KCNQ1: variants seen among roughly 807,000 people sequenced by gnomAD.
The protein encoded by KCNQ1 is potassium voltage-gated channel subfamily Q member 1.
Under a neutral mutation model 72.4 loss-of-function variants are expected in KCNQ1, and 49 were observed. The ratio of observed to expected loss-of-function variants is 0.68; its 90% CI spans 0.54 to 0.86. The LOEUF (loss-of-function observed/expected upper bound fraction) is 0.86. Among genes scored for constraint, KCNQ1 ranks in the 40% least tolerant of loss-of-function variants. The pLI, the probability that KCNQ1 is intolerant of heterozygous loss-of-function variation, is 0.00. For missense variants in KCNQ1, 790 were observed against 945.1 expected, an observed-to-expected ratio of 0.84 and a Z score of 2.15; for synonymous variants, 450 against 412.6, an observed-to-expected ratio of 1.09 and a Z score of -1.10.
rs1047752391 is a variant in KCNQ1, at chr11:2,583,470, G to T, written c.957G>T (p.Val319=). 6.2e-7 allele frequency: 1 copy of T among 1,613,902 alleles called. No homozygotes were observed. Among genetic ancestry groups the T allele is most frequent in the Non-Finnish European group, 8.5e-7 (1 of 1,179,844 alleles). Residue 319 remains valine (V), a synonymous_variant, in exon 7 of 16, where the codon GTG becomes GTT. Transcript: ENST00000155840. ...TVTTIGYGDK[V]PQTWVGKTIA... ...CCACCATCGGCTATGGGGACAAGGT[G>T]CCCCAGACGTGGGTCGGGAAGACCA... is the stretch of plus-strand genomic sequence containing the variant.
At chr11:2,571,433 A>C (rs1172204583) in intron 4 of KCNQ1, 30 bp downstream of exon 4, 2 of 1,588,578 alleles carry the variant, frequency 1.3e-6, no homozygotes, top group Admixed American at 1.7e-5. Flanking sequence ...TCCCCCCGCC[A>C]TGCCGCCCCA....
chr11:2,516,464 A>G lies in KCNQ1; in HGVS notation c.387-11464A>G, dbSNP rs375558052. Among the ~76,000 whole-genome samples the G allele has an allele frequency of 2.6e-5, 4 of 152,068 alleles. No homozygotes were observed. The highest frequency in any genetic ancestry group is 1.9e-4 in the East Asian group (1 of 5,148). On this transcript the variant is annotated intron_variant, in intron 1 of 15. Coordinates refer to ENST00000155840, the MANE Select transcript of KCNQ1 (RefSeq NM_000218.3). This position sits in a 1 kb window ranked among gnomAD's most constrained non-coding sequence, Gnocchi z 7.0. ...GCACACGTTCCTGTTTGAATTCTCAATCTCCGGGCTCAAAATTGGCCCCCA... is the reference window on the plus strand; with the variant it reads ...GCACACGTTCCTGTTTGAATTCTCAGTCTCCGGGCTCAAAATTGGCCCCCA...
chr11:2,553,823 C>A (rs746604814), intron 2 of KCNQ1, among the ~76,000 whole-genome samples: 11 of 152,076 alleles, frequency 7.2e-5, no homozygotes, highest in Admixed American at 1.3e-4. Flanking sequence ...TCAAGTGATT[C>A]TCCTGCCTCA....
chr11:2,810,051 G>A (rs180876165), intron 15 of KCNQ1, among the ~76,000 whole-genome samples: 10 of 152,314 alleles, frequency 6.6e-5, no homozygotes, highest in Non-Finnish European at 1.5e-5. Flanking sequence ...GTTTAAGTGG[G>A]TATAGAATTT....
rs1056053180 is a variant in KCNQ1, at chr11:2,651,319, C to T, written c.1394-10642C>T. ...CAGCTGGGAAGCTGCACAGAACACT[C>T]CTCAGAGTTCTACAAGCGGCTGAGA... On this transcript the variant is annotated intron_variant, in intron 10 of 15. Coordinates refer to ENST00000155840, the MANE Select transcript of KCNQ1 (RefSeq NM_000218.3). The surrounding 1 kb of genome is among the most constrained non-coding windows in gnomAD (Gnocchi z 6.1). 1.8e-5 allele frequency: 7 copies of T among 398,578 alleles called. No homozygotes were observed. Among genetic ancestry groups the T allele is most frequent in the African/African-American group, 4.1e-5 (2 of 48,652 alleles). The allele number at this position is 398,578 out of a possible 1,614,324, so 24.7% of individuals were successfully genotyped here. A position where few individuals can be genotyped will look rare whatever the true frequency, so the allele number is the denominator to read the frequency against.
Position 2,617,477 on chromosome 11 carries a change from G to A in KCNQ1, c.1393+28623G>A, listed in dbSNP as rs190232736. 6.3e-5 allele frequency: 25 copies of A among 398,350 alleles called. No individual in the cohort carries two copies. Among genetic ancestry groups the A allele is most frequent in the Non-Finnish European group, 8.4e-5 (19 of 225,944 alleles). The allele number at this position is 398,350 out of a possible 1,614,324, so 24.7% of individuals were successfully genotyped here. ...AGTTTAGTCATCCATCAATGGACAC[G>A]TAAGTTTTCATATCGTGACTCATGC... On this transcript the variant is annotated intron_variant, in intron 10 of 15. Transcript: ENST00000155840. This position sits in a 1 kb window ranked among gnomAD's most constrained non-coding sequence, Gnocchi z 4.6.
rs1846360207 is a variant in KCNQ1 at position 2,759,761 on chromosome 11, A to G, written c.1515-9083A>G. Among the ~76,000 whole-genome samples, 1 of 151,988 alleles carries G rather than the reference A, an allele frequency of 6.6e-6. No individual in the cohort carries two copies. Among genetic ancestry groups the G allele is most frequent in the Non-Finnish European group, 1.5e-5 (1 of 67,980 alleles). On this transcript the variant is annotated intron_variant, in intron 11 of 15. Transcript: ENST00000155840. The surrounding 1 kb of genome is among the most constrained non-coding windows in gnomAD (Gnocchi z 4.4). ...TGACTTAACTGTCTGGCTGGGGGAG[A>G]GGGGACAGAGGTCCTGGGAGGGGCT...
chr11:2,843,287 A>G (rs2134089263), intron 15 of KCNQ1, among the ~76,000 whole-genome samples: 1 of 152,374 alleles, frequency 6.6e-6, no homozygotes, highest in South Asian at 2.1e-4. Flanking sequence ...GCCCAGCTCC[A>G]CACAGGAGCC....
rs1184715233 is a variant in KCNQ1, at chr11:2,670,654, G to A, written c.1514+8573G>A. On this transcript the variant is annotated intron_variant, in intron 11 of 15. Transcript: ENST00000155840. The surrounding 1 kb of genome is among the most constrained non-coding windows in gnomAD (Gnocchi z 4.9). The stretch of plus-strand genomic sequence containing the variant: ...CATGGCAGAGGCCAGGATGAACCCT[G>A]AAGATTGGTAGGAAGGCAGTGTAGC... 11 of 398,644 alleles carry A rather than the reference G, an allele frequency of 2.8e-5. No individual in the cohort carries two copies. The South Asian group carries it at 6.4e-4, about 23-fold the overall frequency. The allele number at this position is 398,644 out of a possible 1,614,324, so 24.7% of individuals were successfully genotyped here.
At chr11:2,631,343 CTTCT>C (rs1849349527) in intron 10 of KCNQ1, 1 of 398,420 alleles carries the variant, frequency 2.5e-6, no homozygotes, top group Non-Finnish European at 4.4e-6. Context: ...TGAATTCCTC[CTTCT>C]ATTTGATCAA....
At chr11:2,542,338 C>T (rs1303706675) in intron 2 of KCNQ1, among the ~76,000 whole-genome samples, 3 of 152,216 alleles carry the variant, frequency 2.0e-5, no homozygotes, top group Non-Finnish European at 4.4e-5. Flanking sequence ...TAGGGGAAGC[C>T]GGTGTAAGGG....
At position 2,598,405 on chromosome 11, in the gene KCNQ1, T is replaced by C. The variant is rs955880354; in HGVS notation, c.1393+9551T>C. 2.0e-5 allele frequency among the ~76,000 whole-genome samples: 3 copies of C among 152,194 alleles called. No homozygotes were observed. In the South Asian group the frequency reaches 6.2e-4, roughly 31 times the overall value. ...ATGTAGCCTATGAAGTCTCCACTTT[T>C]TTTAAAATGAAGATTTTCTTTGTCT... is the stretch of plus-strand genomic sequence containing the variant. On this transcript the variant is annotated intron_variant, in intron 10 of 15. Transcript: ENST00000155840. This position sits in a 1 kb window ranked among gnomAD's most constrained non-coding sequence, Gnocchi z 6.2.
At chr11:2,807,636 C>T (rs1847406857) in intron 15 of KCNQ1, among the ~76,000 whole-genome samples, 1 of 152,204 alleles carries the variant, frequency 6.6e-6, no homozygotes. Context: ...GGACAGCCGG[C>T]GGTGGGCACA....
rs397956034 is a variant in KCNQ1 at position 2,620,957 on chromosome 11, T to TTTTG, written c.1393+32103_1393+32104insTTTG. ...GTTGTTGTTTTGTTTTGTTTTTTTTTGTCTGTTTTTTGCTTTTTTGTTTGT... is the reference window on the plus strand; with the variant it reads ...GTTGTTGTTTTGTTTTGTTTTTTTTTTTTGGTCTGTTTTTTGCTTTTTTGTTTGT... On this transcript the variant is annotated intron_variant, in intron 10 of 15. Transcript: ENST00000155840. The surrounding 1 kb of genome is among the most constrained non-coding windows in gnomAD (Gnocchi z 4.5). 5.0e-6 allele frequency: 2 copies of TTTTG among 396,952 alleles called. No individual in the cohort carries two copies. The highest frequency in any genetic ancestry group is 8.9e-6 in the Non-Finnish European group (2 of 225,656). The allele number at this position is 396,952 out of a possible 1,614,324, so 24.6% of individuals were successfully genotyped here.
At position 2,824,049 on chromosome 11, in the gene KCNQ1, C is replaced by T. The variant is rs2583419; in HGVS notation, c.1795-23718C>T. Among the ~76,000 whole-genome samples the T allele has an allele frequency of 6.6e-6, 1 of 152,176 alleles. No individual in the cohort carries two copies. Among genetic ancestry groups the T allele is most frequent in the African/African-American group, 2.4e-5 (1 of 41,426 alleles). On this transcript the variant is annotated intron_variant, in intron 15 of 15. Coordinates refer to ENST00000155840, the MANE Select transcript of KCNQ1 (RefSeq NM_000218.3). This position sits in a 1 kb window ranked among gnomAD's most constrained non-coding sequence, Gnocchi z 5.9. ...TAAGGCCTGGAGGCTTGTGCTTATC[C>T]ATCATATAGCAGGCCTGCCCTTTCC...
At chr11:2,640,264 T>C (rs1849552630) in intron 10 of KCNQ1, 2 of 397,444 alleles carry the variant, frequency 5.0e-6, no homozygotes, top group East Asian at 3.6e-5. Context: ...ACTACCTCAG[T>C]TGGAAATGCA....
At chr11:2,694,783 A>G in intron 11 of KCNQ1, 1 of 391,542 alleles carries the variant, frequency 2.6e-6, no homozygotes, top group Non-Finnish European at 4.4e-6. Context: ...TGCTTTGCAG[A>G]GACTCGAAAG....
At position 2,715,479 on chromosome 11, in the gene KCNQ1, G is replaced by A. The variant is rs537098620; in HGVS notation, c.1515-53365G>A. On this transcript the variant is annotated intron_variant, in intron 11 of 15. Coordinates refer to ENST00000155840, the MANE Select transcript of KCNQ1 (RefSeq NM_000218.3). This position sits in a 1 kb window ranked among gnomAD's most constrained non-coding sequence, Gnocchi z 4.9. ...CCCCTGCAGCCTGGCTCAGGCAGGGGCATGTGTGAAGGCCCAGGGGGAAGA... is the reference window on the plus strand; with the variant it reads ...CCCCTGCAGCCTGGCTCAGGCAGGGACATGTGTGAAGGCCCAGGGGGAAGA... Among the ~76,000 whole-genome samples the A allele has an allele frequency of 1.3e-5, 2 of 152,208 alleles. No homozygotes were observed. Among genetic ancestry groups the A allele is most frequent in the Admixed American group, 6.5e-5 (1 of 15,292 alleles).
In KCNQ1 at chr11:2,664,313, G is replaced by GGAAGA. The variant is rs1850023502; in HGVS notation, c.1514+2233_1514+2237dup. ...CCTTGAGGCATTGTGTTCTGGTCAG[G>GGAAGA]GAAGACTCAGGGCTGAGGCTTCAGG... On this transcript the variant is annotated intron_variant, in intron 11 of 15. Transcript: ENST00000155840. This position sits in a 1 kb window ranked among gnomAD's most constrained non-coding sequence, Gnocchi z 5.1. 2.5e-6 allele frequency: 1 copy of GGAAGA among 398,872 alleles called. No individual in the cohort carries two copies. Among genetic ancestry groups the GGAAGA allele is most frequent in the African/African-American group, 2.1e-5 (1 of 48,642 alleles). The allele number at this position is 398,872 out of a possible 1,614,324, so 24.7% of individuals were successfully genotyped here. A position where few individuals can be genotyped will look rare whatever the true frequency, so the allele number is the denominator to read the frequency against.
Sources: allele counts gnomAD v4.1 joint callset (sites outside exome capture counted in the v4.1 genomes callset), GRCh38; gene constraint gnomAD v4.1.1; non-coding constraint Gnocchi (gnomAD v3.1); transcripts MANE v1.5; gene names NCBI Gene and HGNC (gene_info 2026-07-23, HGNC 2026-07-21).